The following POU2F2 variants were observed in gnomAD, a reference collection of about 807,000 sequenced individuals.
The protein encoded by POU2F2 is POU class 2 homeobox 2.
In POU2F2, 14 loss-of-function variants were observed where a neutral mutation model predicts 63.5. The observed-to-expected ratio is 0.22, with a 90% CI of 0.15 to 0.34. The LOEUF (loss-of-function observed/expected upper bound fraction) is 0.34, where lower values mean the gene tolerates loss of function less well. Ranked by LOEUF, POU2F2 falls within the 10% of genes least tolerant of loss-of-function variation. POU2F2 has a pLI of 1.00. For synonymous variants in POU2F2, 306 were observed against 348.6 expected (o/e 0.88, Z 1.36); for missense variants, 607 against 815.2 (o/e 0.74, Z 3.11).
In POU2F2 at chr19:42,164,992, CT is replaced by C. The variant is rs1304066323; in HGVS notation, c.-69-4601del. Among the ~76,000 whole-genome samples the C allele has an allele frequency of 3.9e-5, 6 of 152,004 alleles. No homozygotes were observed. In the South Asian group the frequency reaches 1.2e-3, roughly 32 times the overall value. On this transcript the variant is annotated intron_variant, in intron 1 of 6. Coordinates refer to the POU2F2 transcript ENST00000524801. ...AAGACAGATAGCAAAAGGTAATGTC[CT>C]TTTTGTTGTTCGTTTAACTAGATTA...
chr19:42,119,574 A>G (rs2032342605), intron 4 of POU2F2, among the ~76,000 whole-genome samples: 1 of 152,120 alleles, frequency 6.6e-6, no homozygotes, highest in South Asian at 2.1e-4. Flanking sequence ...TTGGGAGGCT[A>G]AGGCAAGAGA....
rs1048887530 is a variant in POU2F2, at chr19:42,091,288, C to G, written c.1844G>C (p.Gly615Ala). 8.3e-5 allele frequency: 128 copies of G among 1,533,486 alleles called. No individual in the cohort carries two copies. Among genetic ancestry groups the G allele is most frequent in the Non-Finnish European group, 1.1e-4 (123 of 1,146,584 alleles). The allele number at this position is 1,533,486 out of a possible 1,614,324, so 95.0% of individuals were successfully genotyped here. A position where few individuals can be genotyped will look rare whatever the true frequency, so the allele number is the denominator to read the frequency against. The change falls in exon 15 of 15, where the codon GGG (glycine) becomes GCG (alanine). Residue 615 changes from glycine to alanine, a missense_variant. By Grantham distance (60) the Gly-to-Ala change is moderately conservative (BLOSUM62 0). This residue lies in a region of POU2F2 where 270 missense variants were observed against 307.5 expected (regional missense o/e 0.88). Coordinates refer to ENST00000692977, the MANE Select transcript of POU2F2 (RefSeq NM_001394376.1). ...AGGTTTGGACCCTGCCTCGGGCCCC[C>G]CTGGACCTCCAGGGGTCTGTGCTGC... ...ETAAQTPGGP[G>A]GPEAGSKPE
intron 1 of POU2F2, among the ~76,000 whole-genome samples, chr19:42,160,631 C>A (rs2034534931): frequency 6.6e-6 from 1 of 152,186 alleles, no homozygotes; most frequent in South Asian, 2.1e-4. Context: ...CTAGTGCCTG[C>A]CACTGTGGAA....
Position 42,124,319 on chromosome 19 carries a change from GA to G in POU2F2, c.29-1744del, listed in dbSNP as rs1166838132. ...ACCCTGTCTCAAAAAAAAAAAAAAA[GA>G]AAAAAAAAAAGAATGGAGCTAAAGT... On this transcript the variant is annotated intron_variant, in intron 1 of 14. Transcript: ENST00000692977. Among the ~76,000 whole-genome samples, 133 of 82,614 alleles carry G rather than the reference GA, an allele frequency of 1.6e-3. 1 individual carries two copies. Among genetic ancestry groups the G allele is most frequent in the East Asian group, 6.6e-3 (19 of 2,886 alleles). The allele number at this position is 82,614 out of a possible 152,430, so 54.2% of individuals were successfully genotyped here. A position where few individuals can be genotyped will look rare whatever the true frequency, so the allele number is the denominator to read the frequency against.
chr19:42,099,992 A>G (rs977147963), intron 5 of POU2F2, among the ~76,000 whole-genome samples, 171 bp from the exon 6 acceptor site: 5 of 151,132 alleles, frequency 3.3e-5, no homozygotes, highest in African/African-American at 1.2e-4. Flanking sequence ...TCCCTGAGCT[A>G]AGGGCACCCA....
At chr19:42,109,055 G>A (rs1404844452) in intron 5 of POU2F2, among the ~76,000 whole-genome samples, 1 of 152,368 alleles carries the variant, frequency 6.6e-6, no homozygotes, top group African/African-American at 2.4e-5. Context: ...CTATGACTGG[G>A]GGCAGAAAGG....
chr19:42,166,729 C>A (rs962120098), intron 1 of POU2F2, among the ~76,000 whole-genome samples: 1 of 152,022 alleles, frequency 6.6e-6, no homozygotes, highest in African/African-American at 2.4e-5. Context: ...TGGGAGCATA[C>A]AGGCCCAGGA....
intron 5 of POU2F2, among the ~76,000 whole-genome samples, chr19:42,103,993 AAAG>A (rs1425810989): frequency 1.3e-5 from 2 of 152,180 alleles, no homozygotes; most frequent in African/African-American, 4.8e-5. Flanking sequence ...CTATATAATT[AAAG>A]AAGAAGAAAA....
intron 2 of POU2F2, among the ~76,000 whole-genome samples, chr19:42,149,338 C>T (rs1415167293): frequency 6.6e-6 from 1 of 152,162 alleles, no homozygotes; most frequent in Non-Finnish European, 1.5e-5. Flanking sequence ...GCTTAAGACC[C>T]TTTTTCTGCG....
At chr19:42,182,863 G>C (rs2034977426) in intron 1 of POU2F2, among the ~76,000 whole-genome samples, 1 of 152,164 alleles carries the variant, frequency 6.6e-6, no homozygotes, top group Non-Finnish European at 1.5e-5. Flanking sequence ...CAGTGGTGTG[G>C]AGACTTCCAA....
rs1054774389 is a variant in POU2F2, at chr19:42,153,921, T to C, written c.-9+6411A>G. Among the ~76,000 whole-genome samples, 16 of 152,144 alleles carry C rather than the reference T, an allele frequency of 1.1e-4. No individual in the cohort carries two copies. Among genetic ancestry groups the C allele is most frequent in the Non-Finnish European group, 1.6e-4 (11 of 68,014 alleles). Reference sequence around the variant, plus strand: ...CCAATGTCAGGGCCTGCCTGCCTTCTTTCCCTTCCCTGCCAGAGACCCCAG... The same window carrying C: ...CCAATGTCAGGGCCTGCCTGCCTTCCTTCCCTTCCCTGCCAGAGACCCCAG... On this transcript the variant is annotated intron_variant, in intron 2 of 6. Coordinates refer to the POU2F2 transcript ENST00000524801. The surrounding 1 kb of genome is among the most constrained non-coding windows in gnomAD (Gnocchi z 5.6).
chr19:42,099,647 TGAGGGG>T, intron 6 of POU2F2, 29 bp from the exon 7 acceptor site: 1 of 1,605,156 alleles, frequency 6.2e-7, no homozygotes, highest in Non-Finnish European at 8.5e-7. Context: ...ATACACAGGG[TGAGGGG>T]GAGGGGAAGG....
intron 1 of POU2F2, among the ~76,000 whole-genome samples, chr19:42,168,501 T>A (rs1414001791): frequency 1.3e-5 from 2 of 152,202 alleles, no homozygotes; most frequent in African/African-American, 4.8e-5. Context: ...CATCTCCATT[T>A]AGACAGTCTT....
chr19:42,174,754 C>T (rs932426797), intron 1 of POU2F2, among the ~76,000 whole-genome samples: 11 of 152,032 alleles, frequency 7.2e-5, no homozygotes, highest in African/African-American at 2.4e-4. Context: ...TGCACACTGA[C>T]TCTGTACCCA....
chr19:42,170,802 G>A (rs1462009925), intron 1 of POU2F2, among the ~76,000 whole-genome samples: 5 of 152,246 alleles, frequency 3.3e-5, no homozygotes, highest in African/African-American at 1.2e-4. Flanking sequence ...CTGCAACAGA[G>A]CCGGATCTGG....
rs2034996750 is a variant in POU2F2, at chr19:42,184,798, A to T, written c.-70+11585T>A. Among the ~76,000 whole-genome samples the T allele has an allele frequency of 1.3e-5, 2 of 152,128 alleles. 1 individual carries two copies. The highest frequency in any genetic ancestry group is 4.1e-4 in the South Asian group (2 of 4,832). Reference sequence around the variant, plus strand: ...CTGTCTGGGCTGCTCTCCCAGGGTGAATCATCCCCTCCCACAACTGCTTTC... The same window carrying T: ...CTGTCTGGGCTGCTCTCCCAGGGTGTATCATCCCCTCCCACAACTGCTTTC... On this transcript the variant is annotated intron_variant, in intron 1 of 5. Coordinates refer to the POU2F2 transcript ENST00000532176.
At chr19:42,129,257 G>A (rs1358183947) in intron 1 of POU2F2, among the ~76,000 whole-genome samples, 1 of 152,046 alleles carries the variant, frequency 6.6e-6, no homozygotes, top group African/African-American at 2.4e-5. Flanking sequence ...CATAGGTAAT[G>A]TGTAATATTT....
intron 5 of POU2F2, among the ~76,000 whole-genome samples, chr19:42,113,598 T>G (rs568068914): frequency 1.7e-4 from 26 of 152,346 alleles, no homozygotes; most frequent in Admixed American, 7.8e-4. Flanking sequence ...TTCCTGGGCT[T>G]CTTAGTATCT....
chr19:42,145,179 AT>A (rs1364598354), intron 2 of POU2F2, among the ~76,000 whole-genome samples: 1 of 152,252 alleles, frequency 6.6e-6, no homozygotes, highest in African/African-American at 2.4e-5. Context: ...CCTTATAAAT[AT>A]CAGTTAACGT....
Sources: gnomAD v4.1 joint callset for allele counts (sites outside exome capture counted in the v4.1 genomes callset) on GRCh38, gnomAD v4.1.1 for gene constraint, gnomAD v4.1.1 regional missense constraint, Gnocchi (gnomAD v3.1) non-coding constraint, MANE v1.5 for transcripts, NCBI Gene and HGNC (gene_info 2026-07-23, HGNC 2026-07-21) for gene names.